The following VPS26A variants were observed in gnomAD, a reference collection of about 807,000 sequenced individuals.
VPS26A encodes VPS26 retromer complex component A.
Under a neutral mutation model 42.4 loss-of-function variants are expected in VPS26A, and 22 were observed. That is an observed-to-expected ratio of 0.52 (90% CI 0.37 to 0.74). The LOEUF (loss-of-function observed/expected upper bound fraction) is 0.74. VPS26A is among the 30% of genes least tolerant of loss of function. The probability of loss-of-function intolerance (pLI) is 0.00; values close to 1 mark genes in which losing one functional copy is unlikely to be tolerated. For missense variants in VPS26A, 276 were observed against 379.2 expected, an observed-to-expected ratio of 0.73 and a Z score of 2.26; for synonymous variants, 110 against 123.5, an observed-to-expected ratio of 0.89 and a Z score of 0.73.
intron 6 of VPS26A, among the ~76,000 whole-genome samples, chr10:69,164,002 C>T (rs1211083789): frequency 6.6e-6 from 1 of 151,660 alleles, no homozygotes; most frequent in African/African-American, 2.4e-5. Context: ...CTCCTGACCT[C>T]GTGATCCGCC....
chr10:69,151,808 G>A (rs1841320336), intron 2 of VPS26A, among the ~76,000 whole-genome samples: 1 of 152,060 alleles, frequency 6.6e-6, no homozygotes, highest in Admixed American at 6.6e-5. Context: ...CTGCCATATA[G>A]GTATTTTCAA....
At chr10:69,154,247 G>C (rs1176067919) in intron 2 of VPS26A, among the ~76,000 whole-genome samples, 1 of 152,192 alleles carries the variant, frequency 6.6e-6, no homozygotes, top group Non-Finnish European at 1.5e-5. Context: ...AGAATTCTTT[G>C]TAGATCTGGC....
chr10:69,140,044 A>AT, intron 2 of VPS26A, among the ~76,000 whole-genome samples: 2 of 150,000 alleles, frequency 1.3e-5, no homozygotes, highest in Admixed American at 1.3e-4. Context: ...TATGTTGCTA[A>AT]TTTTTATGTG....
chr10:69,149,301 T>C (rs1424119106), intron 2 of VPS26A, among the ~76,000 whole-genome samples: 12 of 152,176 alleles, frequency 7.9e-5, no homozygotes, highest in Non-Finnish European at 1.8e-4. Context: ...GTGGTCTTTT[T>C]TCCAAAAGTG....
intron 2 of VPS26A, among the ~76,000 whole-genome samples, chr10:69,145,726 CTT>C (rs59254404): frequency 6.8e-6 from 1 of 146,244 alleles, no homozygotes; most frequent in African/African-American, 2.5e-5. Flanking sequence ...TTTTTCTTTT[CTT>C]TTTTTTTTTT....
chr10:69,145,065 C>T (rs1019150061), intron 2 of VPS26A, among the ~76,000 whole-genome samples: 3 of 151,978 alleles, frequency 2.0e-5, no homozygotes, highest in East Asian at 1.9e-4. Flanking sequence ...GACAGAGTTT[C>T]GCTCTTGTTG....
At chr10:69,160,070 A>T (rs12412247) in intron 5 of VPS26A, among the ~76,000 whole-genome samples, 1 of 152,138 alleles carries the variant, frequency 6.6e-6, no homozygotes, top group Admixed American at 6.6e-5. Flanking sequence ...TGATGAAATT[A>T]TCAAATAGTT....
At chr10:69,166,955 C>T (rs1393769071) in intron 7 of VPS26A, among the ~76,000 whole-genome samples, 5 of 151,214 alleles carry the variant, frequency 3.3e-5, no homozygotes, top group South Asian at 2.1e-4. Context: ...GGTGAAACCC[C>T]GTCTCTACTG....
chr10:69,156,810 A>G (rs186614234), intron 3 of VPS26A, among the ~76,000 whole-genome samples, 197 bp from the exon 4 acceptor site: 519 of 152,340 alleles, frequency 3.4e-3, no homozygotes, highest in African/African-American at 0.011. Context: ...TCATTGTGCT[A>G]TGCCACTTGA....
chr10:69,125,902 T>C (rs1358680328), intron 1 of VPS26A, among the ~76,000 whole-genome samples: 2 of 152,200 alleles, frequency 1.3e-5, no homozygotes, highest in African/African-American at 4.8e-5. Flanking sequence ...GTATTTTTGC[T>C]AATTGGTAAT....
At chr10:69,137,172 A>G (rs11817572) in intron 2 of VPS26A, among the ~76,000 whole-genome samples, 26,945 of 152,080 alleles carry the variant, frequency 0.18, 2,747 homozygotes, top group Non-Finnish European at 0.23. Flanking sequence ...AATAACTTAT[A>G]TAAACTCATG....
At chr10:69,161,633 C>G (rs147885693) in intron 5 of VPS26A, 5,409 of 282,540 alleles carry the variant, frequency 0.019, 85 homozygotes, top group Admixed American at 0.046. Flanking sequence ...GGGGTTTCCC[C>G]CATCTGTCAG....
In VPS26A at chr10:69,133,734, G is replaced by A. The variant is rs1156550902; in HGVS notation, c.153+687G>A. On this transcript the variant is annotated intron_variant, in intron 2 of 8. Coordinates refer to ENST00000263559, the MANE Select transcript of VPS26A (RefSeq NM_004896.5). Reference sequence around the variant, plus strand: ...GTCTCACTCTGTTGCTCAAGCTGGAGTGCAGTGGTGTGATCATGGCTTACT... The same window carrying A: ...GTCTCACTCTGTTGCTCAAGCTGGAATGCAGTGGTGTGATCATGGCTTACT... 5.5e-6 allele frequency: 3 copies of A among 548,134 alleles called. No homozygotes were observed. The East Asian group carries it at 2.0e-4, about 37-fold the overall frequency. The allele number at this position is 548,134 out of a possible 1,614,324, so 34.0% of individuals were successfully genotyped here. A position where few individuals can be genotyped will look rare whatever the true frequency, so the allele number is the denominator to read the frequency against.
In VPS26A at chr10:69,173,853, C is replaced by T. The variant is rs953159492; in HGVS notation, c.*2584C>T. Among the ~76,000 whole-genome samples, 4 of 152,076 alleles carry T rather than the reference C, an allele frequency of 2.6e-5. No homozygotes were observed. In the South Asian group the frequency reaches 6.2e-4, roughly 24 times the overall value. On this transcript the variant is annotated 3_prime_UTR_variant, in exon 9 of 9. Coordinates refer to ENST00000263559, the MANE Select transcript of VPS26A (RefSeq NM_004896.5). The stretch of plus-strand genomic sequence containing the variant: ...CCATCTCTACCAAAAATGCATTAGT[C>T]GGGCGTGGTGGCACATGCCTGTAAT...
chr10:69,144,280 GT>G (rs1841107345), intron 2 of VPS26A, among the ~76,000 whole-genome samples: 1 of 152,184 alleles, frequency 6.6e-6, no homozygotes, highest in South Asian at 2.1e-4. Flanking sequence ...AAAGTCCATA[GT>G]TTACATTAGG....
chr10:69,143,615 T>A (rs184782750), intron 2 of VPS26A, among the ~76,000 whole-genome samples: 1 of 152,346 alleles, frequency 6.6e-6, no homozygotes, highest in East Asian at 1.9e-4. Flanking sequence ...GTCTTGTTTA[T>A]CCTGTCTTCT....
chr10:69,153,040 T>G (rs1252541807), intron 2 of VPS26A, among the ~76,000 whole-genome samples: 1 of 150,336 alleles, frequency 6.7e-6, no homozygotes, highest in Non-Finnish European at 1.5e-5. Context: ...TCTTAAATGT[T>G]AAGTTGTTTT....
chr10:69,124,825 A>G (rs545526882), intron 1 of VPS26A, among the ~76,000 whole-genome samples: 10 of 152,314 alleles, frequency 6.6e-5, no homozygotes, highest in African/African-American at 2.4e-4. Context: ...AATGGGAGAG[A>G]AAAATAAAAG....
At position 69,142,059 on chromosome 10, in the gene VPS26A, A is replaced by AT. The variant is rs1841053904; in HGVS notation, c.153+9017dup. On this transcript the variant is annotated intron_variant, in intron 2 of 8. Coordinates refer to ENST00000263559, the MANE Select transcript of VPS26A (RefSeq NM_004896.5). ...CCACCACGCCCGGCTAATTTTTTGT[A>AT]TTTTTAGTAGAGACGGGGTTTCACC... is the stretch of plus-strand genomic sequence containing the variant. 1.1e-4 allele frequency among the ~76,000 whole-genome samples: 16 copies of AT among 150,618 alleles called. 1 individual carries two copies. In the South Asian group the frequency reaches 3.1e-3, roughly 30 times the overall value.
Sources: gnomAD v4.1 joint callset for allele counts (sites outside exome capture counted in the v4.1 genomes callset) on GRCh38, gnomAD v4.1.1 for gene constraint, MANE v1.5 for transcripts, NCBI Gene and HGNC (gene_info 2026-07-23, HGNC 2026-07-21) for gene names.